The following CCDC192 variants were observed in gnomAD, a reference collection of about 807,000 sequenced individuals.
CCDC192 encodes coiled-coil domain-containing protein 192.
intron 5 of CCDC192, among the ~76,000 whole-genome samples, chr5:127,857,344 C>G (rs565281988): frequency 5.9e-5 from 9 of 152,264 alleles, no homozygotes; most frequent in African/African-American, 2.2e-4. Flanking sequence ...AGCACCAAAC[C>G]CTGTTAATGT....
chr5:127,740,155 G>A (rs556518595), intron 2 of CCDC192: 1 of 152,406 alleles, frequency 6.6e-6, no homozygotes, highest in African/African-American at 2.4e-5. Flanking sequence ...CAGTGCAGAG[G>A]TCAAGTTGAA....
At chr5:127,718,948 A>G (rs1751800204) in intron 2 of CCDC192, among the ~76,000 whole-genome samples, 1 of 152,138 alleles carries the variant, frequency 6.6e-6, no homozygotes, top group African/African-American at 2.4e-5. Flanking sequence ...ACAATAAGCT[A>G]TTATTGACTG....
At chr5:127,909,167 T>G (rs571500614) in intron 6 of CCDC192, among the ~76,000 whole-genome samples, 1 of 152,134 alleles carries the variant, frequency 6.6e-6, no homozygotes, top group South Asian at 2.1e-4. Context: ...GATCAACCCC[T>G]GGGCGAGAGC....
chr5:127,786,848 G>GA, intron 3 of CCDC192: 1 of 510,522 alleles, frequency 2.0e-6, no homozygotes, highest in South Asian at 1.8e-5. Context: ...TAGAAACTCT[G>GA]GCTCCTCATG....
chr5:127,847,683 G>A lies in CCDC192; in HGVS notation c.412-27855G>A, dbSNP rs186740555. 8.2e-3 allele frequency among the ~76,000 whole-genome samples: 1,244 copies of A among 151,946 alleles called. 19 individuals are homozygous for A. The highest frequency in any genetic ancestry group is 0.029 in the African/African-American group (1,188 of 41,490). On this transcript the variant is annotated intron_variant, in intron 5 of 6. Coordinates refer to ENST00000514853, the MANE Select transcript of CCDC192 (RefSeq NM_001317938.2). Reference sequence around the variant, plus strand: ...ACTAAAAATACAAAAATTACCAGGCGTGGTGGCAGGCACCTGTAATCCCAG... The same window carrying A: ...ACTAAAAATACAAAAATTACCAGGCATGGTGGCAGGCACCTGTAATCCCAG...
At chr5:127,939,874 AC>A (rs1271840334) in intron 6 of CCDC192, among the ~76,000 whole-genome samples, 1 of 152,214 alleles carries the variant, frequency 6.6e-6, no homozygotes, top group East Asian at 1.9e-4. Context: ...GTAACAATCT[AC>A]CGTGGAGACC....
At chr5:127,917,019 C>A (rs1174211109) in intron 6 of CCDC192, among the ~76,000 whole-genome samples, 1 of 152,210 alleles carries the variant, frequency 6.6e-6, no homozygotes, top group Non-Finnish European at 1.5e-5. Context: ...AGTGTAGCCT[C>A]CTCCATTTGT....
chr5:127,715,387 C>A (rs2126787004), intron 2 of CCDC192, among the ~76,000 whole-genome samples: 1 of 152,322 alleles, frequency 6.6e-6, no homozygotes, highest in African/African-American at 2.4e-5. Flanking sequence ...ACAGTCCTTT[C>A]TTCAGTGTGT....
At chr5:127,727,539 A>T (rs1752401593) in intron 2 of CCDC192, among the ~76,000 whole-genome samples, 1 of 152,130 alleles carries the variant, frequency 6.6e-6, no homozygotes, top group Non-Finnish European at 1.5e-5. Context: ...GTCAACAAAA[A>T]GTCCCCACAA....
intron 3 of CCDC192, among the ~76,000 whole-genome samples, chr5:127,758,674 A>G (rs1484909793): frequency 6.6e-6 from 1 of 152,160 alleles, no homozygotes; most frequent in Non-Finnish European, 1.5e-5. Context: ...AAATGCCTGG[A>G]TGTTGGGTAA....
At chr5:127,766,064 G>A (rs749959490) in intron 3 of CCDC192, among the ~76,000 whole-genome samples, 10 of 152,216 alleles carry the variant, frequency 6.6e-5, no homozygotes, top group Non-Finnish European at 1.2e-4. Flanking sequence ...TATGCCCTAC[G>A]TTGACACTGC....
intron 3 of CCDC192, among the ~76,000 whole-genome samples, chr5:127,790,913 C>T (rs1756832015): frequency 6.6e-6 from 1 of 152,276 alleles, no homozygotes. Flanking sequence ...AAAGAAAGCT[C>T]AGGCTAATTT....
chr5:127,864,480 A>C (rs952049480), intron 5 of CCDC192, among the ~76,000 whole-genome samples: 1 of 152,220 alleles, frequency 6.6e-6, no homozygotes, highest in African/African-American at 2.4e-5. Flanking sequence ...GTTCAGCTTC[A>C]TGTGCTGTCT....
intron 5 of CCDC192, among the ~76,000 whole-genome samples, chr5:127,843,669 C>T (rs1561518926): frequency 6.6e-6 from 1 of 152,076 alleles, no homozygotes; most frequent in South Asian, 2.1e-4. Context: ...AACTCCTGAC[C>T]TCAGGTGATC....
At chr5:127,831,307 CAGA>C (rs1203041494) in intron 5 of CCDC192, among the ~76,000 whole-genome samples, 1 of 150,946 alleles carries the variant, frequency 6.6e-6, no homozygotes, top group Non-Finnish European at 1.5e-5. Flanking sequence ...CTGTAATCAT[CAGA>C]AGAATAAATT....
chr5:127,802,596 G>A (rs1001571693), intron 5 of CCDC192, among the ~76,000 whole-genome samples: 1 of 152,180 alleles, frequency 6.6e-6, no homozygotes, highest in Non-Finnish European at 1.5e-5. Flanking sequence ...CAGTCCAGAA[G>A]TAATCTCTCC....
intron 2 of CCDC192, among the ~76,000 whole-genome samples, chr5:127,720,520 G>A (rs1469482490): frequency 1.3e-5 from 2 of 152,180 alleles, no homozygotes; most frequent in South Asian, 2.1e-4. Flanking sequence ...CAAGCTGTTG[G>A]TGGATCTACC....
rs572988713 is a variant in CCDC192 at position 127,941,303 on chromosome 5, G to A, written c.657G>A (p.Gln219=). The stretch of plus-strand genomic sequence containing the variant: ...CCCTTCAGACTGAGAGAATTACTCA[G>A]CTGAAAGAAGTTTTGGAGGAAAAGG... ...QVSLQTERIT[Q]LKEVLEEKER... The change falls in exon 7 of 7, where the codon CAG becomes CAA. Residue 219 remains glutamine, a synonymous_variant. Transcript: ENST00000514853. The A allele has an allele frequency of 4.0e-5, 16 of 398,928 alleles. No individual in the cohort carries two copies. In the South Asian group the frequency reaches 1.8e-3, roughly 44 times the overall value. 24.7% of individuals were successfully genotyped at this position (398,928 alleles called of 1,614,324 possible).
rs75361482 is a variant in CCDC192, at chr5:127,720,175, G to C, written c.114+12415G>C. Among the ~76,000 whole-genome samples, 6 of 152,312 alleles carry C rather than the reference G, an allele frequency of 3.9e-5. No individual in the cohort carries two copies. In the East Asian group the frequency reaches 1.2e-3, roughly 29 times the overall value. ...CAAGATAAGTCCCTTCTGCCTATGA[G>C]TATGTAAAATCAAAACCAGTTAGTT... On this transcript the variant is annotated intron_variant, in intron 2 of 6. Coordinates refer to ENST00000514853, the MANE Select transcript of CCDC192 (RefSeq NM_001317938.2).
Sources: gnomAD v4.1 joint callset for allele counts (sites outside exome capture counted in the v4.1 genomes callset) on GRCh38, gnomAD v4.1.1 for gene constraint, MANE v1.5 for transcripts, NCBI Gene and HGNC (gene_info 2026-07-23, HGNC 2026-07-21) for gene names.